Variants in TOPBP1 observed in about 807,000 individuals in gnomAD.
TOPBP1 encodes the protein DNA topoisomerase II binding protein 1, also known as DNA topoisomerase 2-binding protein 1.
TOPBP1 carries 28 observed loss-of-function variants against 167.7 expected under a neutral mutation model. That is an observed-to-expected ratio of 0.17 (90% CI 0.12 to 0.23). The LOEUF is 0.23. TOPBP1 is among the 10% of genes least tolerant of loss of function. The pLI is 1.00. For synonymous variants in TOPBP1, 598 were observed against 611.4 expected (o/e 0.98, Z 0.32); for missense variants, 1,554 against 1,809.6 (o/e 0.86, Z 2.56).
At chr3:133,634,366 G>A (rs781545913) in intron 14 of TOPBP1, among the ~76,000 whole-genome samples, 3 of 151,954 alleles carry the variant, frequency 2.0e-5, no homozygotes, top group Non-Finnish European at 4.4e-5. Context: ...AAAATTAGCC[G>A]GGCATGGTGG....
intron 13 of TOPBP1, among the ~76,000 whole-genome samples, chr3:133,638,598 A>C (rs1164660179): frequency 1.3e-5 from 2 of 152,204 alleles, no homozygotes; most frequent in Non-Finnish European, 2.9e-5. Flanking sequence ...GAAAGTCCTT[A>C]ATCAAATTTT....
chr3:133,620,626 ACAGTGGTGCGACCTCGGCTCACTG>A (rs1935058406), intron 19 of TOPBP1, among the ~76,000 whole-genome samples: 1 of 146,480 alleles, frequency 6.8e-6, no homozygotes, highest in African/African-American at 2.5e-5. Flanking sequence ...CCCAGGCTGG[ACAGTGGTGCGACCTCGGCTCACTG>A]CAACCTCCAC....
At chr3:133,607,016 C>A (rs1445739333) in intron 27 of TOPBP1, among the ~76,000 whole-genome samples, 1 of 152,038 alleles carries the variant, frequency 6.6e-6, no homozygotes, top group Non-Finnish European at 1.5e-5. Context: ...ATACAAATTA[C>A]AAACACTCTG....
At chr3:133,656,542 CG>C (rs1936483588) in intron 5 of TOPBP1, 133 bp downstream of exon 5, 3 of 848,096 alleles carry the variant, frequency 3.5e-6, no homozygotes, top group Non-Finnish European at 5.1e-6. Flanking sequence ...TCTGCTCTTC[CG>C]TTTTCGCTGG....
intron 16 of TOPBP1, 85 bp from the exon 17 acceptor site, chr3:133,624,260 T>A: frequency 1.4e-6 from 2 of 1,477,808 alleles, no homozygotes; most frequent in South Asian, 2.5e-5. Context: ...GTGAACAGAA[T>A]ATTCTGACCT....
At chr3:133,608,425 A>G in intron 27 of TOPBP1, 110 bp downstream of exon 27, 1 of 1,191,762 alleles carries the variant, frequency 8.4e-7, no homozygotes, top group Non-Finnish European at 1.2e-6. Flanking sequence ...GAATAACAGG[A>G]GACTAATCTT....
chr3:133,638,036 T>C lies in TOPBP1; in HGVS notation c.2360A>G (p.Gln787Arg). Residue 787 changes from glutamine (Q) to arginine (R), a missense_variant, in exon 14 of 28, where the codon CAG becomes CGG. Around this residue, in one of 3 missense-constraint regions of TOPBP1, gnomAD observed 1,197 missense variants for 1,351.5 expected, o/e 0.89. Coordinates refer to ENST00000260810, the MANE Select transcript of TOPBP1 (RefSeq NM_007027.4). ...VVTPLDMNRFQSKAFRAVVSQ... is the reference protein window; with the variant it reads ...VVTPLDMNRFRSKAFRAVVSQ... ...GACCACAGCACGGAAAGCTTTACTCTGAAAGCGGTTCATATCTAAAGGTGT... is the reference window on the plus strand; with the variant it reads ...GACCACAGCACGGAAAGCTTTACTCCGAAAGCGGTTCATATCTAAAGGTGT... 1 of 1,614,042 alleles carries C rather than the reference T, an allele frequency of 6.2e-7. No individual in the cohort carries two copies. Among genetic ancestry groups the C allele is most frequent in the Non-Finnish European group, 8.5e-7 (1 of 1,179,884 alleles).
chr3:133,643,428 A>AC, intron 11 of TOPBP1, 56 bp from the exon 12 acceptor site: 2 of 1,432,546 alleles, frequency 1.4e-6, no homozygotes, highest in Non-Finnish European at 1.9e-6. Flanking sequence ...CCAGTGGTTA[A>AC]CACTGGTTCA....
At position 133,623,311 on chromosome 3, in the gene TOPBP1, CTCA is replaced by C; in HGVS notation, c.3072_3074del (p.Asp1024del). 6.2e-7 allele frequency: 1 copy of C among 1,613,494 alleles called. No individual in the cohort carries two copies. Among genetic ancestry groups the C allele is most frequent in the Non-Finnish European group, 8.5e-7 (1 of 1,179,700 alleles). ...TAAATGTATCATCCATATCTCCTACCTCATCATCCTTTGTTGAAGACACAGCTG... is the reference window on the plus strand; with the variant it reads ...TAAATGTATCATCCATATCTCCTACCTCATCCTTTGTTGAAGACACAGCTG... On this transcript the variant is annotated inframe_deletion and splice_region_variant, in exon 18 of 28. Transcript: ENST00000260810.
intron 19 of TOPBP1, among the ~76,000 whole-genome samples, chr3:133,622,759 C>T (rs1255004197): frequency 6.6e-6 from 1 of 152,128 alleles, no homozygotes; most frequent in Non-Finnish European, 1.5e-5. Context: ...ACTTCACCTA[C>T]CTTTAATGGA....
chr3:133,637,456 CG>C (rs1246179872), intron 14 of TOPBP1, among the ~76,000 whole-genome samples: 1 of 152,198 alleles, frequency 6.6e-6, no homozygotes, highest in Admixed American at 6.5e-5. Context: ...AGGCAAATCC[CG>C]GGTGTACTCT....
chr3:133,601,488 GATGAA>G, intron 27 of TOPBP1, 95 bp from the exon 28 acceptor site: 1 of 1,001,768 alleles, frequency 1.0e-6, no homozygotes, highest in African/African-American at 1.7e-5. Flanking sequence ...ACCTCTCAGG[GATGAA>G]TCTGACAAAC....
At position 133,652,584 on chromosome 3, in the gene TOPBP1, C is replaced by A; in HGVS notation, c.968G>T (p.Ser323Ile). 1 of 1,611,256 alleles carries A rather than the reference C, an allele frequency of 6.2e-7. No individual in the cohort carries two copies. Among genetic ancestry groups the A allele is most frequent in the Non-Finnish European group, 8.5e-7 (1 of 1,179,644 alleles). The stretch of plus-strand genomic sequence containing the variant: ...ATTACATATTGATTCACTTACGCAA[C>A]TTGCATTTATGTTGGAAATATTGCT... ...DVSNISNINA[S>I]CVSESICNSL... The change falls in exon 8 of 28, where the codon AGT (serine) becomes ATT (isoleucine). Residue 323 changes from serine to isoleucine, a missense_variant. Ser to Ile is a moderately radical substitution (Grantham distance 142, BLOSUM62 -2). Coordinates refer to ENST00000260810, the MANE Select transcript of TOPBP1 (RefSeq NM_007027.4).
chr3:133,646,098 G>C (rs1936064702), intron 10 of TOPBP1, among the ~76,000 whole-genome samples: 1 of 151,556 alleles, frequency 6.6e-6, no homozygotes, highest in Non-Finnish European at 1.5e-5. Context: ...AGTGAGCCAA[G>C]ACCACGCCAC....
At chr3:133,617,443 A>G (rs1161395520) in intron 21 of TOPBP1, 117 bp from the exon 22 acceptor site, 9 of 1,223,418 alleles carry the variant, frequency 7.4e-6, no homozygotes, top group Non-Finnish European at 9.7e-6. Flanking sequence ...TCTGGAATGT[A>G]AAAAGTACAG....
At chr3:133,608,745 G>A (rs1337838224) in intron 26 of TOPBP1, 49 bp from the exon 27 acceptor site, 1 of 1,602,474 alleles carries the variant, frequency 6.2e-7, no homozygotes, top group Non-Finnish European at 8.5e-7. Flanking sequence ...TTCCAAAGTA[G>A]TTCAGCTGTA....
At chr3:133,643,758 T>C (rs1935977892) in intron 11 of TOPBP1, among the ~76,000 whole-genome samples, 1 of 151,522 alleles carries the variant, frequency 6.6e-6, no homozygotes, top group African/African-American at 2.4e-5. Context: ...ACAAGACAAA[T>C]AGTATGAGAT....
intron 14 of TOPBP1, among the ~76,000 whole-genome samples, chr3:133,630,541 T>G (rs1007833886): frequency 6.6e-6 from 1 of 152,024 alleles, no homozygotes; most frequent in East Asian, 1.9e-4. Context: ...CAAGCAATCC[T>G]CTCGCCTTGG....
chr3:133,656,701 T>C lies in TOPBP1; in HGVS notation c.520A>G (p.Thr174Ala). The C allele has an allele frequency of 1.2e-6, 2 of 1,606,374 alleles. No homozygotes were observed. The highest frequency in any genetic ancestry group is 1.7e-6 in the Non-Finnish European group (2 of 1,177,826). The change falls in exon 5 of 28, where the codon ACA becomes GCA. Residue 174 changes from threonine (T) to alanine (A), a missense_variant. Physicochemically the swap from Thr to Ala is moderately conservative, Grantham distance 58. Coordinates refer to ENST00000260810, the MANE Select transcript of TOPBP1 (RefSeq NM_007027.4). ...KPILLPSWIK[T>A]LWEKSQEKKI... is the part of the protein sequence containing the mutation. ...TTCTCTTGTGACTTCTCCCAAAGTG[T>C]TTTTATCCAAGAGGGAAGCAAAATA...
Sources: allele counts gnomAD v4.1 joint callset (sites outside exome capture counted in the v4.1 genomes callset), GRCh38; gene constraint gnomAD v4.1.1; regional missense constraint gnomAD v4.1.1; transcripts MANE v1.5; gene names NCBI Gene and HGNC (gene_info 2026-07-23, HGNC 2026-07-21).